Variants in ATP1A2 observed in about 807,000 individuals in gnomAD.
The protein encoded by ATP1A2 is sodium/potassium-transporting ATPase subunit alpha-2.
In ATP1A2, 56 loss-of-function variants were observed where a neutral mutation model predicts 113.1. That is an observed-to-expected ratio of 0.49 (90% confidence interval 0.40 to 0.62). The LOEUF (loss-of-function observed/expected upper bound fraction) is 0.62, where lower values mean the gene tolerates loss of function less well. Ranked by LOEUF, ATP1A2 falls within the 20% of genes least tolerant of loss-of-function variation. ATP1A2 has a pLI of 0.00. For synonymous variants in ATP1A2, 490 were observed against 526.8 expected (o/e 0.93, Z 0.96); for missense variants, 712 against 1,357.8 (o/e 0.52, Z 7.47).
Position 160,135,593 on chromosome 1 carries a change from G to T in ATP1A2, c.2275G>T (p.Val759Leu), listed in dbSNP as rs1553245779. 1 of 1,613,916 alleles carries T rather than the reference G, an allele frequency of 6.2e-7. No homozygotes were observed. The highest frequency in any genetic ancestry group is 8.5e-7 in the Non-Finnish European group (1 of 1,180,020). Residue 759 changes from valine (V) to leucine (L), a missense_variant, in exon 16 of 23, where the codon GTG (valine) becomes TTG (leucine). Val to Leu is a conservative substitution (Grantham distance 32). Coordinates refer to ENST00000361216, the MANE Select transcript of ATP1A2 (RefSeq NM_000702.4). This position sits in a 1 kb window ranked among gnomAD's most constrained non-coding sequence, Gnocchi z 6.3. ...DDNFASIVTG[V>L]EEGRLIFDNL... ...CAACTTTGCCTCCATCGTCACGGGGGTGGAGGAGGGTGAGGAGGCTGCATG... is the reference window on the plus strand; with the variant it reads ...CAACTTTGCCTCCATCGTCACGGGGTTGGAGGAGGGTGAGGAGGCTGCATG...
At chr1:160,124,557 C>A in intron 6 of ATP1A2, 127 bp downstream of exon 6, 2 of 1,388,698 alleles carry the variant, frequency 1.4e-6, no homozygotes, top group Non-Finnish European at 2.0e-6. Context: ...TGCCTATGCC[C>A]CTGCTAAACC....
rs773614984 is a variant in ATP1A2 at position 160,127,796 on chromosome 1, T to G, written c.993T>G (p.Pro331=). The G allele has an allele frequency of 1.2e-5, 19 of 1,609,284 alleles. No homozygotes were observed. The Admixed American group carries it at 3.2e-4, about 27-fold the overall frequency. The change falls in exon 8 of 23, where the codon CCT becomes CCG. Residue 331 remains proline (P), a synonymous_variant. Coordinates refer to ENST00000361216, the MANE Select transcript of ATP1A2 (RefSeq NM_000702.4). The part of the protein sequence containing the change: ...FLIGIIVANV[P]EGLLATVTVC... ...TCGGCATCATAGTGGCCAACGTGCC[T>G]GAGGGGCTTCTGGCCACTGTCACTG...
chr1:160,135,003 C>A lies in ATP1A2; in HGVS notation c.1965-142C>A. ...CAAAGAGAAATGGGGGAAGTGAGTA[C>A]TGAGGAGAGGAGAACTGAAGCAACA... is the stretch of plus-strand genomic sequence containing the variant. On this transcript the variant is annotated intron_variant, in intron 14 of 22. Coordinates refer to ENST00000361216, the MANE Select transcript of ATP1A2 (RefSeq NM_000702.4). The surrounding 1 kb of genome is among the most constrained non-coding windows in gnomAD (Gnocchi z 6.3). The A allele has an allele frequency of 1.9e-6, 2 of 1,059,508 alleles. No homozygotes were observed. Among genetic ancestry groups the A allele is most frequent in the Middle Eastern group, 2.2e-4 (1 of 4,488 alleles). 65.6% of individuals were successfully genotyped at this position (1,059,508 alleles called of 1,614,324 possible).
chr1:160,135,409 T>C lies in ATP1A2; in HGVS notation c.2116-25T>C, dbSNP rs2101995002. ...CCAGGCTTGGGAAGGGGTTTCGTCC[T>C]CAAGTGTGGCCGTCTTCCCTCCAGG... On this transcript the variant is annotated intron_variant, in intron 15 of 22. Coordinates refer to ENST00000361216, the MANE Select transcript of ATP1A2 (RefSeq NM_000702.4). This position sits in a 1 kb window ranked among gnomAD's most constrained non-coding sequence, Gnocchi z 6.3. The C allele has an allele frequency of 1.2e-6, 2 of 1,614,144 alleles. No individual in the cohort carries two copies. Among genetic ancestry groups the C allele is most frequent in the East Asian group, 4.5e-5 (2 of 44,878 alleles).
chr1:160,121,042 C>T (rs1225449700), intron 2 of ATP1A2, 32 bp downstream of exon 2: 1 of 1,613,388 alleles, frequency 6.2e-7, no homozygotes, highest in South Asian at 1.1e-5. Context: ...GGAGGAGGGG[C>T]CCCATGCTGG....
intron 7 of ATP1A2, chr1:160,125,558 C>T: frequency 2.5e-6 from 1 of 399,440 alleles, no homozygotes; most frequent in Non-Finnish European, 4.7e-6. Context: ...TGCGCACACA[C>T]AGATGCACAT....
chr1:160,119,854 G>A (rs960891648), intron 1 of ATP1A2, among the ~76,000 whole-genome samples: 3 of 149,254 alleles, frequency 2.0e-5, no homozygotes, highest in Non-Finnish European at 4.5e-5. Flanking sequence ...AAGAAAGAAA[G>A]AAAGAAAATT....
chr1:160,128,782 G>A lies in ATP1A2; in HGVS notation c.1148G>A (p.Arg383His), dbSNP rs765909830. ...AAGACGGGCACCCTCACCCAGAACC[G>A]CATGACCGTCGCCCACATGTGGTTC... ...SDKTGTLTQN[R>H]MTVAHMWFDN... The change falls in exon 9 of 23, where the codon CGC becomes CAC. Residue 383 changes from arginine (R) to histidine (H), a missense_variant. Physicochemically the swap from Arg to His is conservative, Grantham distance 29 (BLOSUM62 0). Transcript: ENST00000361216. The A allele has an allele frequency of 1.9e-6, 3 of 1,614,042 alleles. No homozygotes were observed. Among genetic ancestry groups the A allele is most frequent in the Non-Finnish European group, 1.7e-6 (2 of 1,180,028 alleles).
chr1:160,121,364 G>A (rs775483873), intron 3 of ATP1A2, 113 bp downstream of exon 3: 3 of 1,301,182 alleles, frequency 2.3e-6, no homozygotes, highest in Non-Finnish European at 3.3e-6. Flanking sequence ...TGAGGAAACT[G>A]AGGCCCAGAA....
chr1:160,118,220 G>A (rs1401488857), intron 1 of ATP1A2, among the ~76,000 whole-genome samples: 1 of 152,198 alleles, frequency 6.6e-6, no homozygotes, highest in African/African-American at 2.4e-5. Context: ...TAAAAAGCAT[G>A]CATTTTATTC....
intron 13 of ATP1A2, among the ~76,000 whole-genome samples, 165 bp downstream of exon 13, chr1:160,130,762 G>A (rs1309814360): frequency 6.6e-6 from 1 of 152,190 alleles, no homozygotes; most frequent in Non-Finnish European, 1.5e-5. Context: ...CCTGCCTTGG[G>A]GCACTCACCC....
intron 20 of ATP1A2, 56 bp downstream of exon 20, chr1:160,137,087 C>A (rs1651978218): frequency 6.2e-7 from 1 of 1,612,856 alleles, no homozygotes; most frequent in African/African-American, 1.3e-5. Flanking sequence ...CACTCACCAA[C>A]CCACACAGGC....
chr1:160,139,726 G>A lies in ATP1A2; in HGVS notation c.2927G>A (p.Arg976His). Residue 976 changes from arginine (R) to histidine (H), a missense_variant, in exon 21 of 23, where the codon CGC becomes CAC. By Grantham distance (29) the Arg-to-His change is conservative (BLOSUM62 0). Transcript: ENST00000361216. ...SYCPGMGVAL[R>H]MYPLKVTWWF... ...TGCCCAGGCATGGGTGTAGCCCTCCGCATGTACCCGCTCAAGTGAGTGTCT... is the reference window on the plus strand; with the variant it reads ...TGCCCAGGCATGGGTGTAGCCCTCCACATGTACCCGCTCAAGTGAGTGTCT... The A allele has an allele frequency of 6.2e-7, 1 of 1,614,162 alleles. No individual in the cohort carries two copies. The highest frequency in any genetic ancestry group is 8.5e-7 in the Non-Finnish European group (1 of 1,180,012).
rs1215625552 is a variant in ATP1A2 at position 160,137,031 on chromosome 1, A to T, written c.2840A>T (p.Lys947Met). Residue 947 changes from lysine to methionine, a missense_variant and splice_region_variant, in exon 20 of 23, where the codon AAG (lysine) becomes ATG (methionine). Physicochemically the swap from Lys to Met is moderately conservative, Grantham distance 95. This residue lies in a region of ATP1A2 where 188 missense variants were observed against 438.9 expected (regional missense o/e 0.43). Coordinates refer to ENST00000361216, the MANE Select transcript of ATP1A2 (RefSeq NM_000702.4). The part of the protein sequence containing the change: ...RRNSVFQQGM[K>M]NKILIFGLLE... The stretch of plus-strand genomic sequence containing the variant: ...AACTCAGTCTTCCAGCAGGGCATGA[A>T]GTGAGTGCCCACCCCCATGGCACCT... The T allele has an allele frequency of 6.2e-7, 1 of 1,614,138 alleles. No homozygotes were observed.
Position 160,143,339 on chromosome 1 carries a change from T to G in ATP1A2, c.*2017T>G, listed in dbSNP as rs773306712. On this transcript the variant is annotated 3_prime_UTR_variant, in exon 23 of 23. Transcript: ENST00000361216. Reference sequence around the variant, plus strand: ...GCACAATCAATAAAAATGGCATTTTTTTAGTAAATTAAGAGCATAAACAAT... The same window carrying G: ...GCACAATCAATAAAAATGGCATTTTGTTAGTAAATTAAGAGCATAAACAAT... The G allele has an allele frequency of 6.6e-6, 1 of 152,612 alleles. No homozygotes were observed. The highest frequency in any genetic ancestry group is 1.5e-5 in the Non-Finnish European group (1 of 68,046). The allele number at this position is 152,612 out of a possible 1,614,324, so 9.5% of individuals were successfully genotyped here. A position where few individuals can be genotyped will look rare whatever the true frequency, so the allele number is the denominator to read the frequency against.
At position 160,139,978 on chromosome 1, in the gene ATP1A2, C is replaced by G; in HGVS notation, c.3028C>G (p.Pro1010Ala). The G allele has an allele frequency of 6.2e-7, 1 of 1,613,812 alleles. No homozygotes were observed. The highest frequency in any genetic ancestry group is 8.5e-7 in the Non-Finnish European group (1 of 1,180,026). The change falls in exon 22 of 23, where the codon CCT becomes GCT. Residue 1010 changes from proline to alanine, a missense_variant. By Grantham distance (27) the Pro-to-Ala change is conservative. Coordinates refer to ENST00000361216, the MANE Select transcript of ATP1A2 (RefSeq NM_000702.4). ...CCGAAAGCTCATCCTGCGGCGGTAT[C>G]CTGGTGGTAAGCCCCTCCACATTCC... is the stretch of plus-strand genomic sequence containing the variant. Reference protein sequence around the residue: ...EVRKLILRRYPGGWVEKETYY With the variant: ...EVRKLILRRYAGGWVEKETYY
At chr1:160,120,736 T>C (rs1320087059) in intron 1 of ATP1A2, among the ~76,000 whole-genome samples, 170 bp from the exon 2 acceptor site, 4 of 152,164 alleles carry the variant, frequency 2.6e-5, no homozygotes. Flanking sequence ...GCCAATAGTC[T>C]ACAAACTGAG....
At chr1:160,130,053 C>A (rs1651720522) in intron 11 of ATP1A2, 49 bp from the exon 12 acceptor site, 2 of 1,611,896 alleles carry the variant, frequency 1.2e-6, no homozygotes, top group African/African-American at 2.7e-5. Flanking sequence ...CTATGCCGCG[C>A]TACCAAGACA....
chr1:160,130,999 A>G (rs1393351622), intron 13 of ATP1A2, among the ~76,000 whole-genome samples: 1 of 152,156 alleles, frequency 6.6e-6, no homozygotes, highest in Non-Finnish European at 1.5e-5. Flanking sequence ...GGCTCAGCCC[A>G]TAACCCCACA....
Sources: gnomAD v4.1 joint callset for allele counts (sites outside exome capture counted in the v4.1 genomes callset) on GRCh38, gnomAD v4.1.1 for gene constraint, gnomAD v4.1.1 regional missense constraint, Gnocchi (gnomAD v3.1) non-coding constraint, MANE v1.5 for transcripts, NCBI Gene and HGNC (gene_info 2026-07-23, HGNC 2026-07-21) for gene names.